Variants in CERKL observed in about 807,000 individuals in gnomAD.
The protein encoded by CERKL is CERK like autophagy regulator, also known as ceramide kinase-like protein.
In CERKL, 61 loss-of-function variants were observed where a neutral mutation model predicts 63.4. The ratio of observed to expected loss-of-function variants is 0.96; its 90% CI spans 0.78 to 1.19. CERKL has a LOEUF of 1.19. CERKL is among the 50% of genes most tolerant of loss of function. CERKL has a pLI of 0.00. For missense variants in CERKL, 675 were observed against 655.5 expected, an observed-to-expected ratio of 1.03 and a Z score of -0.33; for synonymous variants, 250 against 230.5, an observed-to-expected ratio of 1.08 and a Z score of -0.77.
At chr2:181,543,842 G>A (rs1687610514) in intron 11 of CERKL, among the ~76,000 whole-genome samples, 1 of 151,986 alleles carries the variant, frequency 6.6e-6, no homozygotes, top group Non-Finnish European at 1.5e-5. Flanking sequence ...AAATTAGCTG[G>A]GCATGGAGGT....
intron 1 of CERKL, among the ~76,000 whole-genome samples, chr2:181,622,859 G>A (rs1201522807): frequency 3.3e-5 from 5 of 152,142 alleles, no homozygotes; most frequent in African/African-American, 1.2e-4. Context: ...GCTCTGAAGA[G>A]GAGGAAAATG....
chr2:181,538,408 TCAA>T (rs1160475899), intron 12 of CERKL, among the ~76,000 whole-genome samples, 164 bp from the exon 13 acceptor site: 4 of 152,134 alleles, frequency 2.6e-5, no homozygotes, highest in East Asian at 3.8e-4. Context: ...TGATAAATCA[TCAA>T]CAACAATAAT....
chr2:181,567,533 T>C (rs1344351639), intron 3 of CERKL, among the ~76,000 whole-genome samples: 1 of 148,912 alleles, frequency 6.7e-6, no homozygotes, highest in Non-Finnish European at 1.5e-5. Flanking sequence ...TATACACTAA[T>C]GCAACCTGCC....
At chr2:181,621,191 C>T (rs1312475050) in intron 1 of CERKL, among the ~76,000 whole-genome samples, 1 of 152,052 alleles carries the variant, frequency 6.6e-6, no homozygotes, top group East Asian at 1.9e-4. Context: ...AAGGAAATTA[C>T]TTATAAAATG....
intron 2 of CERKL, among the ~76,000 whole-genome samples, chr2:181,592,681 T>G (rs952213381): frequency 6.6e-6 from 1 of 152,192 alleles, no homozygotes; most frequent in Admixed American, 6.5e-5. Flanking sequence ...CATGGTGGGT[T>G]AAGAACATGG....
At position 181,578,331 on chromosome 2, in the gene CERKL, G is replaced by A. The variant is rs1024449442; in HGVS notation, c.482-4447C>T. The stretch of plus-strand genomic sequence containing the variant: ...GAGATAGAGAGATGAATGGTGTCTT[G>A]CTCTGTCACCCAAGCTGGAGTGCAG... On this transcript the variant is annotated intron_variant, in intron 2 of 12. Transcript: ENST00000410087. 3.9e-5 allele frequency among the ~76,000 whole-genome samples: 6 copies of A among 152,146 alleles called. No individual in the cohort carries two copies. The East Asian group carries it at 1.2e-3, about 30-fold the overall frequency.
At chr2:181,563,465 G>C (rs751687207) in intron 4 of CERKL, among the ~76,000 whole-genome samples, 1 of 152,018 alleles carries the variant, frequency 6.6e-6, no homozygotes, top group Admixed American at 6.6e-5. Context: ...CCTGTATCTA[G>C]AAACCAAACT....
At chr2:181,646,238 C>T (rs1687666222) in intron 1 of CERKL, among the ~76,000 whole-genome samples, 1 of 152,192 alleles carries the variant, frequency 6.6e-6, no homozygotes, top group African/African-American at 2.4e-5. Flanking sequence ...CCTTCAGAAT[C>T]CTGACTTAGA....
chr2:181,607,501 G>C (rs1212351064), intron 1 of CERKL, among the ~76,000 whole-genome samples: 1 of 152,130 alleles, frequency 6.6e-6, no homozygotes, highest in African/African-American at 2.4e-5. Context: ...AGCTCATCTG[G>C]ATTCCCCAAG....
intron 2 of CERKL, among the ~76,000 whole-genome samples, chr2:181,581,877 G>C (rs755190675): frequency 2.0e-5 from 3 of 152,190 alleles, no homozygotes; most frequent in Non-Finnish European, 4.4e-5. Flanking sequence ...CCCTGCACCA[G>C]TGCTATTTTA....
intron 1 of CERKL, among the ~76,000 whole-genome samples, chr2:181,625,037 A>G (rs1206342628): frequency 6.6e-6 from 1 of 152,220 alleles, no homozygotes; most frequent in East Asian, 1.9e-4. Context: ...GTCCAACCAG[A>G]GAAAACAGAA....
intron 11 of CERKL, among the ~76,000 whole-genome samples, chr2:181,541,886 G>A (rs946566070): frequency 6.6e-6 from 1 of 152,170 alleles, no homozygotes; most frequent in Non-Finnish European, 1.5e-5. Context: ...AGATAAGGTC[G>A]GCTGTAGACA....
At chr2:181,538,706 G>A (rs1263516317) in intron 12 of CERKL, among the ~76,000 whole-genome samples, 1 of 152,166 alleles carries the variant, frequency 6.6e-6, no homozygotes, top group Non-Finnish European at 1.5e-5. Flanking sequence ...TTATGAGTGA[G>A]AGGAAACTAA....
intron 2 of CERKL, among the ~76,000 whole-genome samples, chr2:181,601,123 T>C (rs540704201): frequency 1.3e-5 from 2 of 152,148 alleles, no homozygotes; most frequent in East Asian, 3.9e-4. Flanking sequence ...AATTAATGCA[T>C]AAATCAAAAA....
chr2:181,619,985 T>C (rs1324493521), intron 1 of CERKL, among the ~76,000 whole-genome samples: 3 of 152,224 alleles, frequency 2.0e-5, no homozygotes, highest in Admixed American at 1.3e-4. Flanking sequence ...TTCTTTCATT[T>C]AACAAGTTTG....
intron 4 of CERKL, among the ~76,000 whole-genome samples, chr2:181,560,537 A>T (rs931712445): frequency 9.9e-5 from 15 of 152,144 alleles, no homozygotes; most frequent in Admixed American, 2.6e-4. Context: ...TATATATATC[A>T]GACATTTTCC....
In CERKL at chr2:181,632,296, A is replaced by G. The variant is rs377694514; in HGVS notation, c.238+24473T>C. Among the ~76,000 whole-genome samples the G allele has an allele frequency of 5.9e-5, 9 of 152,336 alleles. No homozygotes were observed. In the South Asian group the frequency reaches 1.2e-3, roughly 21 times the overall value. On this transcript the variant is annotated intron_variant, in intron 1 of 12. Transcript: ENST00000410087. ...TAGAGGAACAAAGGAAAGAAATCCA[A>G]TTATTTAAAACAGAAATCCCTTAAC...
intron 11 of CERKL, among the ~76,000 whole-genome samples, chr2:181,543,669 T>C (rs1574431479): frequency 6.6e-6 from 1 of 152,134 alleles, no homozygotes; most frequent in East Asian, 1.9e-4. Flanking sequence ...CCCAACTCTA[T>C]CCAAGCACCA....
intron 1 of CERKL, among the ~76,000 whole-genome samples, chr2:181,640,482 T>C (rs1687372111): frequency 6.6e-6 from 1 of 152,178 alleles, no homozygotes; most frequent in Non-Finnish European, 1.5e-5. Flanking sequence ...ATGTCTGAAA[T>C]GTAATCTAAT....
Sources: allele counts gnomAD v4.1 joint callset (sites outside exome capture counted in the v4.1 genomes callset), GRCh38; gene constraint gnomAD v4.1.1; transcripts MANE v1.5; gene names NCBI Gene and HGNC (gene_info 2026-07-23, HGNC 2026-07-21).